Variants in LMO7 observed in about 807,000 individuals in gnomAD.
LMO7 encodes LIM domain only protein 7.
A neutral mutation model predicts 206.5 loss-of-function variants in LMO7; 120 were observed. That is an observed-to-expected ratio of 0.58 (90% confidence interval 0.50 to 0.68). The LOEUF (loss-of-function observed/expected upper bound fraction) is 0.68. Among genes scored for constraint, LMO7 ranks in the 30% least tolerant of loss-of-function variants. LMO7 has a pLI of 0.00. For synonymous variants in LMO7, 706 were observed against 681.5 expected (o/e 1.04, Z -0.56); for missense variants, 1,959 against 1,957.9 (o/e 1.00, Z -0.01).
At chr13:75,728,951 T>C (rs1211742303) in intron 3 of LMO7, among the ~76,000 whole-genome samples, 2 of 151,286 alleles carry the variant, frequency 1.3e-5, no homozygotes, top group South Asian at 2.1e-4. Context: ...TGCAGCATTA[T>C]TTCTCAGGGC....
At chr13:75,857,416 G>A (rs1206588514) in intron 30 of LMO7, 1 of 152,262 alleles carries the variant, frequency 6.6e-6, no homozygotes, top group East Asian at 1.9e-4. Context: ...TATGTGAAGA[G>A]TGCTTTGGAA....
upstream of LMO7, among the ~76,000 whole-genome samples, chr13:75,634,722 G>A (rs576901541): frequency 3.0e-3 from 441 of 149,200 alleles, 4 homozygotes; most frequent in Middle Eastern, 0.011. Flanking sequence ...CAGCCTGGGC[G>A]ACAGAGCGAG....
chr13:75,791,525 T>C (rs1452145788), intron 4 of LMO7, among the ~76,000 whole-genome samples: 1 of 152,184 alleles, frequency 6.6e-6, no homozygotes, highest in Non-Finnish European at 1.5e-5. Context: ...CCATGTACTG[T>C]GCGAGGCATT....
chr13:75,643,261 A>G (rs970070872), intron 1 of LMO7, among the ~76,000 whole-genome samples: 10 of 152,232 alleles, frequency 6.6e-5, no homozygotes, highest in Non-Finnish European at 1.2e-4. Flanking sequence ...ACTGGTTCTC[A>G]ACATACCAGC....
At chr13:75,809,945 T>C (rs1370304086) in intron 11 of LMO7, among the ~76,000 whole-genome samples, 1 of 151,540 alleles carries the variant, frequency 6.6e-6, no homozygotes, top group African/African-American at 2.4e-5. Context: ...AATTCTCCTG[T>C]CTCAGCCTCC....
intron 7 of LMO7, 97 bp from the exon 8 acceptor site, chr13:75,804,192 T>C (rs2055143118): frequency 3.2e-6 from 4 of 1,262,144 alleles, no homozygotes; most frequent in Non-Finnish European, 4.4e-6. Context: ...GTGGCAGCAC[T>C]GGGTTTCTAA....
At chr13:75,636,200 C>T (rs1291111290), upstream of LMO7, 2 of 702,516 alleles carry the variant, frequency 2.8e-6, no homozygotes, top group East Asian at 1.7e-4. Flanking sequence ...CGGCCGCGGC[C>T]GGGAGCCCGG....
At chr13:75,737,851 A>AAAAC (rs1555305863) in intron 3 of LMO7, among the ~76,000 whole-genome samples, 3 of 145,364 alleles carry the variant, frequency 2.1e-5, no homozygotes, top group African/African-American at 7.5e-5. Context: ...CCAAAAAAAA[A>AAAAC]AAAAAAAAAA....
intron 1 of LMO7, among the ~76,000 whole-genome samples, chr13:75,654,917 G>A (rs1287037510): frequency 6.9e-6 from 1 of 144,900 alleles, no homozygotes. Flanking sequence ...TGTTGCCCAG[G>A]CTGGAGTGCA....
chr13:75,646,844 C>G (rs757004972), intron 1 of LMO7, among the ~76,000 whole-genome samples: 3 of 152,184 alleles, frequency 2.0e-5, no homozygotes, highest in Non-Finnish European at 4.4e-5. Context: ...CTCAGCCTCC[C>G]AAAGTGCTGG....
At chr13:75,840,574 A>G (rs2059486372) in intron 22 of LMO7, 79 bp downstream of exon 22, 16 of 1,521,876 alleles carry the variant, frequency 1.1e-5, no homozygotes, top group Non-Finnish European at 1.4e-5. Context: ...CAGTATTGAG[A>G]AACTAATTTT....
intron 1 of LMO7, among the ~76,000 whole-genome samples, chr13:75,709,350 C>T (rs1166146222): frequency 6.6e-6 from 1 of 152,200 alleles, no homozygotes; most frequent in African/African-American, 2.4e-5. Flanking sequence ...ATTTCTACTT[C>T]AAGATCCCTG....
chr13:75,774,440 A>G (rs912497134), intron 4 of LMO7, among the ~76,000 whole-genome samples: 8 of 152,120 alleles, frequency 5.3e-5, no homozygotes, highest in Non-Finnish European at 8.8e-5. Context: ...TCACCAGTTG[A>G]TGGACATTTG....
intron 16 of LMO7, 32 bp downstream of exon 16, chr13:75,833,197 C>G (rs1566573071): frequency 1.6e-6 from 2 of 1,234,024 alleles, no homozygotes; most frequent in East Asian, 4.6e-5. Flanking sequence ...ACTGAATTTT[C>G]TTCTCCTTTT....
intron 3 of LMO7, among the ~76,000 whole-genome samples, chr13:75,741,181 C>T (rs915448272): frequency 2.6e-5 from 4 of 152,182 alleles, no homozygotes; most frequent in African/African-American, 9.7e-5. Flanking sequence ...GCCACTCTCA[C>T]AATTTGTGAC....
chr13:75,845,404 C>T (rs2059909268), intron 26 of LMO7, 25 bp downstream of exon 26: 2 of 1,468,832 alleles, frequency 1.4e-6, no homozygotes, highest in East Asian at 4.6e-5. Flanking sequence ...TTCCCCCAAA[C>T]TCCTTCAGAG....
At chr13:75,727,131 A>G in intron 3 of LMO7, 33 bp downstream of exon 3, 2 of 1,365,546 alleles carry the variant, frequency 1.5e-6, no homozygotes, top group Non-Finnish European at 2.1e-6. Context: ...AACTAAATTT[A>G]TTTGTCTTTG....
intron 11 of LMO7, among the ~76,000 whole-genome samples, chr13:75,815,828 A>C (rs574161581): frequency 6.6e-6 from 1 of 152,216 alleles, no homozygotes; most frequent in Non-Finnish European, 1.5e-5. Context: ...AGAAGGGAGA[A>C]ACAAAGGTGA....
chr13:75,667,989 C>T (rs1202059861), intron 1 of LMO7, among the ~76,000 whole-genome samples: 3 of 152,198 alleles, frequency 2.0e-5, no homozygotes, highest in East Asian at 3.8e-4. Context: ...GGGCAGATTA[C>T]TTGAGGCCAG....
Sources: gnomAD v4.1 joint callset for allele counts (sites outside exome capture counted in the v4.1 genomes callset) on GRCh38, gnomAD v4.1.1 for gene constraint, MANE v1.5 for transcripts, NCBI Gene and HGNC (gene_info 2026-07-23, HGNC 2026-07-21) for gene names.